The following UGGT1 variants were observed in gnomAD, a reference collection of about 807,000 sequenced individuals.
UGGT1 encodes the protein UDP-glucose glycoprotein glucosyltransferase 1, also known as UDP-glucose:glycoprotein glucosyltransferase 1.
Under a neutral mutation model 203.9 loss-of-function variants are expected in UGGT1, and 107 were observed. The observed-to-expected ratio is 0.52, with a 90% CI of 0.45 to 0.62. UGGT1 has a LOEUF of 0.62. UGGT1 is among the 20% of genes least tolerant of loss of function. UGGT1 has a pLI of 0.00. For synonymous variants in UGGT1, 628 were observed against 653.5 expected, an observed-to-expected ratio of 0.96 and a Z score of 0.59; for missense variants, 1,673 against 1,867.2, an observed-to-expected ratio of 0.90 and a Z score of 1.92.
chr2:128,125,773 T>C (rs1174268450), intron 11 of UGGT1, among the ~76,000 whole-genome samples: 1 of 152,120 alleles, frequency 6.6e-6, no homozygotes, highest in Non-Finnish European at 1.5e-5. Flanking sequence ...TTGAAAAACC[T>C]TATTGGGAGT....
Position 128,186,663 on chromosome 2 carries a change from ATTTTT to A in UGGT1, c.4360-15_4360-11del. On this transcript the variant is annotated splice_polypyrimidine_tract_variant and intron_variant, in intron 38 of 40. Transcript: ENST00000259253. ...CTTTAGATACATGTATTTTATTTTT[ATTTTT>A]TTTTAACCAAACAGGATCTGCCCAA... is the stretch of plus-strand genomic sequence containing the variant. 1 of 1,524,762 alleles carries A rather than the reference ATTTTT, an allele frequency of 6.6e-7. No homozygotes were observed. Among genetic ancestry groups the A allele is most frequent in the Non-Finnish European group, 9.0e-7 (1 of 1,116,844 alleles). The allele number at this position is 1,524,762 out of a possible 1,614,324, so 94.5% of individuals were successfully genotyped here.
chr2:128,098,840 T>TAGTA (rs59026092), intron 2 of UGGT1, among the ~76,000 whole-genome samples: 136,318 of 151,602 alleles, frequency 0.9, 62,070 homozygotes, highest in Non-Finnish European at 0.98. Context: ...TAGTGAAACA[T>TAGTA]AGTAATTTCA....
chr2:128,169,666 C>G (rs1690993956), intron 26 of UGGT1, among the ~76,000 whole-genome samples: 1 of 152,164 alleles, frequency 6.6e-6, no homozygotes, highest in Non-Finnish European at 1.5e-5. Flanking sequence ...GGAGTAAACT[C>G]TGACAGCTTC....
In UGGT1 at chr2:128,160,724, T is replaced by A. The variant is rs1690485356; in HGVS notation, c.2694+133T>A. On this transcript the variant is annotated intron_variant, in intron 24 of 40. Transcript: ENST00000259253. ...GTGATTGGGGCTTATGAAGTGCCATTGATGTTTCTGCCTCCTATTTCCAAG... is the reference window on the plus strand; with the variant it reads ...GTGATTGGGGCTTATGAAGTGCCATAGATGTTTCTGCCTCCTATTTCCAAG... 19 of 1,290,810 alleles carry A rather than the reference T, an allele frequency of 1.5e-5. No individual in the cohort carries two copies. In the South Asian group the frequency reaches 2.9e-4, roughly 19 times the overall value. 80.0% of individuals were successfully genotyped at this position (1,290,810 alleles called of 1,614,324 possible).
At chr2:128,157,436 A>T (rs1573589212) in intron 22 of UGGT1, 90 bp downstream of exon 22, 1 of 978,424 alleles carries the variant, frequency 1.0e-6, no homozygotes, top group African/African-American at 1.6e-5. Context: ...GTTCAGTGGG[A>T]GTTGGGAGTC....
chr2:128,120,274 T>C, intron 8 of UGGT1, 82 bp from the exon 9 acceptor site: 2 of 1,319,470 alleles, frequency 1.5e-6, no homozygotes, highest in Non-Finnish European at 2.1e-6. Context: ...AGGAAAACCA[T>C]GAAGATAAAG....
intron 16 of UGGT1, 31 bp from the exon 17 acceptor site, chr2:128,143,063 G>A: frequency 6.4e-7 from 1 of 1,557,406 alleles, no homozygotes; most frequent in Non-Finnish European, 8.7e-7. Context: ...ACTTAAAAGT[G>A]TAGTTAACCA....
At chr2:128,157,541 T>C (rs1206833260) in intron 22 of UGGT1, among the ~76,000 whole-genome samples, 195 bp downstream of exon 22, 1 of 152,194 alleles carries the variant, frequency 6.6e-6, no homozygotes, top group Admixed American at 6.5e-5. Context: ...ATCCAGGCTT[T>C]GTTGAACGGG....
At chr2:128,116,875 G>A (rs943731264) in intron 8 of UGGT1, among the ~76,000 whole-genome samples, 2 of 152,140 alleles carry the variant, frequency 1.3e-5, no homozygotes, top group Admixed American at 6.6e-5. Flanking sequence ...CACAGTTTAA[G>A]TGCGTTTTTC....
At chr2:128,113,047 A>AT in intron 5 of UGGT1, 37 bp from the exon 6 acceptor site, 2 of 1,449,556 alleles carry the variant, frequency 1.4e-6, no homozygotes, top group Non-Finnish European at 1.8e-6. Flanking sequence ...TTTCACAATT[A>AT]TTTTTAAAGT....
chr2:128,120,712 A>C (rs543792046), intron 9 of UGGT1, among the ~76,000 whole-genome samples: 1 of 152,294 alleles, frequency 6.6e-6, no homozygotes, highest in Admixed American at 6.5e-5. Context: ...TTGTAATACG[A>C]GAAGCAGGTC....
At position 128,177,896 on chromosome 2, in the gene UGGT1, C is replaced by A; in HGVS notation, c.3689C>A (p.Ser1230Tyr). ...AGTGATGGAACGAGTGAGAATGAAT[C>A]TGGATTTTGGGATTCCTTCAAATGG... ...LLSDGTSENE[S>Y]GFWDSFKWGF... Residue 1230 changes from serine (S) to tyrosine (Y), a missense_variant, in exon 33 of 41, where the codon TCT becomes TAT. Around this residue, in one of 4 missense-constraint regions of UGGT1, gnomAD observed 513 missense variants for 684.1 expected, o/e 0.75. Coordinates refer to ENST00000259253, the MANE Select transcript of UGGT1 (RefSeq NM_020120.4). The A allele has an allele frequency of 6.2e-7, 1 of 1,603,240 alleles. No individual in the cohort carries two copies. Among genetic ancestry groups the A allele is most frequent in the Non-Finnish European group, 8.5e-7 (1 of 1,175,314 alleles).
chr2:128,141,182 T>G (rs1030150704), intron 16 of UGGT1, among the ~76,000 whole-genome samples: 1 of 150,958 alleles, frequency 6.6e-6, no homozygotes, highest in African/African-American at 2.4e-5. Flanking sequence ...AAATTGGCCA[T>G]GTGTGGTGGC....
intron 17 of UGGT1, among the ~76,000 whole-genome samples, chr2:128,144,203 G>T (rs1689571686): frequency 6.6e-6 from 1 of 152,002 alleles, no homozygotes; most frequent in South Asian, 2.1e-4. Context: ...TTTGTGAGTG[G>T]CTCAGTATAA....
At chr2:128,101,572 A>G (rs932425106) in intron 2 of UGGT1, among the ~76,000 whole-genome samples, 2 of 152,244 alleles carry the variant, frequency 1.3e-5, no homozygotes, top group Non-Finnish European at 2.9e-5. Flanking sequence ...GTAATGACCC[A>G]AGAATGTAGC....
chr2:128,157,256 T>G lies in UGGT1; in HGVS notation c.2265T>G (p.Asp755Glu). The part of the protein sequence containing the change: ...KGMSSKEIYD[D>E]SFIRPVTFWI... The stretch of plus-strand genomic sequence containing the variant: ...GCTGTTTTTGTTTTTCTACAGATGA[T>G]TCTTTTATTAGGCCAGTAACTTTTT... Residue 755 changes from aspartate (D) to glutamate (E), a missense_variant, in exon 22 of 41, where the codon GAT becomes GAG. Transcript: ENST00000259253. 1 of 1,613,706 alleles carries G rather than the reference T, an allele frequency of 6.2e-7. No individual in the cohort carries two copies. Among genetic ancestry groups the G allele is most frequent in the Non-Finnish European group, 8.5e-7 (1 of 1,179,636 alleles).
At position 128,147,641 on chromosome 2, in the gene UGGT1, C is replaced by T. The variant is rs564993450; in HGVS notation, c.2016+1674C>T. ...TTTTTTTGTTTCTGATACAGGGTCT[C>T]GCTCTGTCACCCGGGTTGGAGTACA... On this transcript the variant is annotated intron_variant, in intron 18 of 40. Coordinates refer to ENST00000259253, the MANE Select transcript of UGGT1 (RefSeq NM_020120.4). Among the ~76,000 whole-genome samples the T allele has an allele frequency of 7.9e-5, 12 of 151,266 alleles. No homozygotes were observed. The South Asian group carries it at 1.5e-3, about 18-fold the overall frequency.
chr2:128,127,787 C>G (rs1688672278), intron 12 of UGGT1, among the ~76,000 whole-genome samples: 1 of 152,102 alleles, frequency 6.6e-6, no homozygotes, highest in Non-Finnish European at 1.5e-5. Context: ...AAATAACTGC[C>G]TCTGGGCCTG....
chr2:128,120,272 C>G, intron 8 of UGGT1, 84 bp from the exon 9 acceptor site: 2 of 1,303,588 alleles, frequency 1.5e-6, no homozygotes, highest in Non-Finnish European at 2.2e-6. Flanking sequence ...AGAGGAAAAC[C>G]ATGAAGATAA....
Sources: allele counts gnomAD v4.1 joint callset (sites outside exome capture counted in the v4.1 genomes callset), GRCh38; gene constraint gnomAD v4.1.1; regional missense constraint gnomAD v4.1.1; transcripts MANE v1.5; gene names NCBI Gene and HGNC (gene_info 2026-07-23, HGNC 2026-07-21).